The following DNAH1 variants were observed in gnomAD, a reference collection of about 807,000 sequenced individuals.
DNAH1 encodes the protein axonemal beta dynein heavy chain 1.
DNAH1 carries 327 observed loss-of-function variants against 484.3 expected under a neutral mutation model. The observed-to-expected ratio is 0.68, with a 90% CI of 0.62 to 0.74. DNAH1 has a LOEUF of 0.74. Ranked by LOEUF, DNAH1 falls within the 30% of genes least tolerant of loss-of-function variation. DNAH1 has a pLI of 0.00. For missense variants in DNAH1, 5,052 were observed against 5,546.8 expected (o/e 0.91, Z 2.83); for synonymous variants, 2,192 against 2,191.9 (o/e 1.00, Z 0.00).
intron 17 of DNAH1, 147 bp downstream of exon 17, chr3:52,352,250 G>A (rs1027447686): frequency 1.6e-6 from 2 of 1,244,980 alleles, no homozygotes; most frequent in African/African-American, 3.0e-5. Flanking sequence ...ATAAATGGCT[G>A]AAAGAATGAA....
chr3:52,352,014 C>T lies in DNAH1; in HGVS notation c.2782C>T (p.Gln928Ter), dbSNP rs1254986585. The T allele has an allele frequency of 6.3e-7, 1 of 1,599,860 alleles. No individual in the cohort carries two copies. Among genetic ancestry groups the T allele is most frequent in the Non-Finnish European group, 8.5e-7 (1 of 1,173,432 alleles). Residue 928 changes from glutamine to a stop codon, truncating the protein, a stop_gained, in exon 17 of 78, where the codon CAG (glutamine) becomes TAG (stop). Coordinates refer to ENST00000420323, the MANE Select transcript of DNAH1 (RefSeq NM_015512.5). LOFTEE classifies it high-confidence loss of function. ...GATCCTTGGGCAGATAGAGCTGGTGCAGCAGCAGCATGTGGAGGATGAGGA... is the reference window on the plus strand; with the variant it reads ...GATCCTTGGGCAGATAGAGCTGGTGTAGCAGCAGCATGTGGAGGATGAGGA... ...SKILGQIELV[Q>*]QQHVEDEEKF...
In DNAH1 at chr3:52,379,120, G is replaced by A. The variant is rs921345464; in HGVS notation, c.7377+340G>A. Among the ~76,000 whole-genome samples, 3 of 152,208 alleles carry A rather than the reference G, an allele frequency of 2.0e-5. No homozygotes were observed. The highest frequency in any genetic ancestry group is 4.8e-5 in the African/African-American group (2 of 41,450). On this transcript the variant is annotated intron_variant, in intron 47 of 77. Transcript: ENST00000420323. The surrounding 1 kb of genome is among the most constrained non-coding windows in gnomAD (Gnocchi z 4.4). ...CCAAAAACCCCAGGTGGAAGGAGGG[G>A]GAAGTGTAGCAGGGAGCCAGGTGTC...
chr3:52,354,696 G>A (rs1702534100), intron 20 of DNAH1, 147 bp from the exon 21 acceptor site: 3 of 674,822 alleles, frequency 4.4e-6, no homozygotes, highest in Admixed American at 2.8e-5. Context: ...CACGGGACTT[G>A]TTGCCAGACA....
upstream of DNAH1, among the ~76,000 whole-genome samples, chr3:52,313,785 T>G (rs1002843117): frequency 6.6e-6 from 1 of 152,068 alleles, no homozygotes; most frequent in Non-Finnish European, 1.5e-5. Flanking sequence ...TTGCCAGGAA[T>G]GGAAGTATTT....
In DNAH1 at chr3:52,381,511, G is replaced by A. The variant is rs1435859164; in HGVS notation, c.7609-129G>A. ...CTGCAGGGGAAACATGCAGCTGGCCGGGTCACAGGTGGTCAAGGCACCTGT... is the reference window on the plus strand; with the variant it reads ...CTGCAGGGGAAACATGCAGCTGGCCAGGTCACAGGTGGTCAAGGCACCTGT... On this transcript the variant is annotated intron_variant, in intron 48 of 77. Transcript: ENST00000420323. This position sits in a 1 kb window ranked among gnomAD's most constrained non-coding sequence, Gnocchi z 4.1. 33 of 750,610 alleles carry A rather than the reference G, an allele frequency of 4.4e-5. No individual in the cohort carries two copies. Among genetic ancestry groups the A allele is most frequent in the Non-Finnish European group, 6.0e-5 (28 of 466,498 alleles). 46.5% of individuals were successfully genotyped at this position (750,610 alleles called of 1,614,324 possible). A position where few individuals can be genotyped will look rare whatever the true frequency, so the allele number is the denominator to read the frequency against.
In DNAH1 at chr3:52,353,270, C is replaced by A. The variant is rs374763657; in HGVS notation, c.3195C>A (p.His1065Gln). The A allele has an allele frequency of 2.5e-6, 4 of 1,613,828 alleles. No individual in the cohort carries two copies. In the African/African-American group the frequency reaches 5.3e-5, roughly 22 times the overall value. The change falls in exon 19 of 78, where the codon CAC becomes CAA. Residue 1065 changes from histidine to glutamine, a missense_variant. By Grantham distance (24) the His-to-Gln change is conservative (BLOSUM62 0). Around this residue, in one of 4 missense-constraint regions of DNAH1, gnomAD observed 2,929 missense variants for 3,409.4 expected, o/e 0.86. Coordinates refer to ENST00000420323, the MANE Select transcript of DNAH1 (RefSeq NM_015512.5). This position sits in a 1 kb window ranked among gnomAD's most constrained non-coding sequence, Gnocchi z 5.0. Reference sequence around the variant, plus strand: ...TGGTTGAAGCCTTCAAGACCATGCACAAGTGCGTGAAGCAGTTTAAGGACA... The same window carrying A: ...TGGTTGAAGCCTTCAAGACCATGCAAAAGTGCGTGAAGCAGTTTAAGGACA... ...KNVVEAFKTM[H>Q]KCVKQFKDMP... is the part of the protein sequence containing the mutation.
Position 52,358,050 on chromosome 3 carries a change from TC to T in DNAH1, c.4086+50del. 1.4e-6 allele frequency: 2 copies of T among 1,430,604 alleles called. No individual in the cohort carries two copies. Among genetic ancestry groups the T allele is most frequent in the East Asian group, 2.3e-5 (1 of 42,628 alleles). The allele number at this position is 1,430,604 out of a possible 1,614,324, so 88.6% of individuals were successfully genotyped here. ...TCAGGGCTGGGAGCATGGGGCATCT[TC>T]CCAGGGAGAACGTCCCTCCCTTTGT... On this transcript the variant is annotated intron_variant, in intron 24 of 77. Transcript: ENST00000420323. This position sits in a 1 kb window ranked among gnomAD's most constrained non-coding sequence, Gnocchi z 4.2.
intron 8 of DNAH1, among the ~76,000 whole-genome samples, chr3:52,342,654 C>T (rs77046977): frequency 0.015 from 2,210 of 152,232 alleles, 64 homozygotes; most frequent in African/African-American, 0.051. Flanking sequence ...TGTTGCACAT[C>T]CAGTAGCAGG....
At position 52,364,997 on chromosome 3, in the gene DNAH1, C is replaced by G; in HGVS notation, c.5496C>G (p.Asn1832Lys). The G allele has an allele frequency of 6.2e-7, 1 of 1,612,460 alleles. No individual in the cohort carries two copies. The highest frequency in any genetic ancestry group is 8.5e-7 in the Non-Finnish European group (1 of 1,178,792). The change falls in exon 34 of 78, where the codon AAC (asparagine) becomes AAG (lysine). Residue 1832 changes from asparagine (N) to lysine (K), a missense_variant. Asn to Lys is a moderately conservative substitution (Grantham distance 94, BLOSUM62 0). This residue lies in a region of DNAH1 where 2,929 missense variants were observed against 3,409.4 expected (regional missense o/e 0.86). Transcript: ENST00000420323. This position sits in a 1 kb window ranked among gnomAD's most constrained non-coding sequence, Gnocchi z 4.2. ...LDEAIREACR[N>K]SNLKDVEGFL... ...AGGCCATCCGCGAGGCCTGCAGGAA[C>G]AGCAACCTCAAGGATGTGGAGGGTG...
At chr3:52,382,856 A>G (rs1273328231) in intron 50 of DNAH1, among the ~76,000 whole-genome samples, 1 of 152,186 alleles carries the variant, frequency 6.6e-6, no homozygotes, top group African/African-American at 2.4e-5. Flanking sequence ...GGGTCACACG[A>G]CAGAACAGGC....
chr3:52,343,834 C>T (rs1702035401), intron 8 of DNAH1, among the ~76,000 whole-genome samples: 1 of 152,156 alleles, frequency 6.6e-6, no homozygotes, highest in South Asian at 2.1e-4. Flanking sequence ...CGGAACACAG[C>T]GGCATAGGCA....
rs369520182 is a variant in DNAH1, at chr3:52,358,666, C to T, written c.4195C>T (p.Arg1399Trp). ...YPSSNVEDWL[R>W]EVERSMKASV... ...CTCCAGCAACGTGGAGGACTGGCTG[C>T]GGGAGGTGGAGCGCAGCATGAAGGC... Residue 1399 changes from arginine to tryptophan, a missense_variant, in exon 25 of 78, where the codon CGG becomes TGG. Arg to Trp is a moderately radical substitution (Grantham distance 101). Around this residue, in one of 4 missense-constraint regions of DNAH1, gnomAD observed 2,929 missense variants for 3,409.4 expected, o/e 0.86. Coordinates refer to ENST00000420323, the MANE Select transcript of DNAH1 (RefSeq NM_015512.5). The surrounding 1 kb of genome is among the most constrained non-coding windows in gnomAD (Gnocchi z 4.2). 2.2e-5 allele frequency: 36 copies of T among 1,612,854 alleles called. No homozygotes were observed. The East Asian group carries it at 3.3e-4, about 15-fold the overall frequency.
chr3:52,379,429 G>A lies in DNAH1; in HGVS notation c.7378-476G>A, dbSNP rs1259770219. Reference sequence around the variant, plus strand: ...GTCCTGCCACCCAGGGAGATGCAGGGAAGCTGGGACAGAGGCGGCAGCTGA... The same window carrying A: ...GTCCTGCCACCCAGGGAGATGCAGGAAAGCTGGGACAGAGGCGGCAGCTGA... On this transcript the variant is annotated intron_variant, in intron 47 of 77. Transcript: ENST00000420323. This position sits in a 1 kb window ranked among gnomAD's most constrained non-coding sequence, Gnocchi z 4.4. Among the ~76,000 whole-genome samples the A allele has an allele frequency of 6.6e-6, 1 of 152,162 alleles. No individual in the cohort carries two copies. Among genetic ancestry groups the A allele is most frequent in the Non-Finnish European group, 1.5e-5 (1 of 68,026 alleles).
intron 59 of DNAH1, 142 bp from the exon 60 acceptor site, chr3:52,389,319 C>T (rs1373635742): frequency 1.6e-6 from 2 of 1,276,026 alleles, no homozygotes; most frequent in South Asian, 1.4e-5. Context: ...AGAAAGTCAC[C>T]CGAAGTGGGA....
intron 77 of DNAH1, 143 bp from the exon 78 acceptor site, chr3:52,400,182 A>G: frequency 8.8e-7 from 1 of 1,131,436 alleles, no homozygotes; most frequent in Non-Finnish European, 1.3e-6. Context: ...CCCTGGCCAG[A>G]CCCCCTCATC....
At chr3:52,385,207 G>A in intron 53 of DNAH1, 130 bp from the exon 54 acceptor site, 2 of 1,066,852 alleles carry the variant, frequency 1.9e-6, no homozygotes, top group Non-Finnish European at 2.7e-6. Context: ...TCTGGGGTCG[G>A]CTGGGCAATG....
chr3:52,357,761 TC>T, intron 23 of DNAH1, 26 bp downstream of exon 23: 1 of 1,571,580 alleles, frequency 6.4e-7, no homozygotes, highest in Non-Finnish European at 8.6e-7. Context: ...CCATGCCCAC[TC>T]CGCCACTGTC....
rs1285997580 is a variant in DNAH1, at chr3:52,336,062, GGTTGTCT to G, written c.1286+3672_1286+3678del. Among the ~76,000 whole-genome samples the G allele has an allele frequency of 2.0e-5, 3 of 152,174 alleles. No individual in the cohort carries two copies. The East Asian group carries it at 5.8e-4, about 29-fold the overall frequency. On this transcript the variant is annotated intron_variant, in intron 8 of 77. Coordinates refer to ENST00000420323, the MANE Select transcript of DNAH1 (RefSeq NM_015512.5). ...TGTGAATATTTTCTCCAGTTCTGCA[GGTTGTCT>G]GTTTACTCTGTTGATACTTTCTTTT... is the stretch of plus-strand genomic sequence containing the variant.
chr3:52,358,856 C>A lies in DNAH1; in HGVS notation c.4266+119C>A. On this transcript the variant is annotated intron_variant, in intron 25 of 77. Coordinates refer to ENST00000420323, the MANE Select transcript of DNAH1 (RefSeq NM_015512.5). This position sits in a 1 kb window ranked among gnomAD's most constrained non-coding sequence, Gnocchi z 4.2. ...TGCAGCCCTGAGGTCCCTGGGGGCT[C>A]AGGCGGGATTCTGGAGTCTTTCCTT... 8.2e-7 allele frequency: 1 copy of A among 1,223,820 alleles called. No individual in the cohort carries two copies. The highest frequency in any genetic ancestry group is 1.1e-6 in the Non-Finnish European group (1 of 875,728). The allele number at this position is 1,223,820 out of a possible 1,614,324, so 75.8% of individuals were successfully genotyped here.
Sources: allele counts gnomAD v4.1 joint callset (sites outside exome capture counted in the v4.1 genomes callset), GRCh38; gene constraint gnomAD v4.1.1; regional missense constraint gnomAD v4.1.1; non-coding constraint Gnocchi (gnomAD v3.1); transcripts MANE v1.5; gene names NCBI Gene and HGNC (gene_info 2026-07-23, HGNC 2026-07-21).